Variants in DLGAP1 observed in about 807,000 individuals in gnomAD.
The protein encoded by DLGAP1 is DLG associated protein 1.
In DLGAP1, 11 loss-of-function variants were observed where a neutral mutation model predicts 90.8. That is an observed-to-expected ratio of 0.12 (90% confidence interval 0.08 to 0.20). The LOEUF (loss-of-function observed/expected upper bound fraction) is 0.20, where lower values mean the gene tolerates loss of function less well. Among genes scored for constraint, DLGAP1 ranks in the 10% least tolerant of loss-of-function variants. The pLI is 1.00. For synonymous variants in DLGAP1, 558 were observed against 540.7 expected (o/e 1.03, Z -0.44); for missense variants, 1,050 against 1,333.8 (o/e 0.79, Z 3.31).
chr18:3,969,907 TA>T, intron 3 of DLGAP1, among the ~76,000 whole-genome samples: 1 of 152,324 alleles, frequency 6.6e-6, no homozygotes, highest in East Asian at 1.9e-4. Flanking sequence ...ATACTTCTGA[TA>T]AAGGGCCTTC....
chr18:4,064,643 G>A (rs2075346702), intron 2 of DLGAP1, among the ~76,000 whole-genome samples: 1 of 151,882 alleles, frequency 6.6e-6, no homozygotes, highest in Admixed American at 6.6e-5. Flanking sequence ...GACTGAACCA[G>A]GAAGAAACCG....
chr18:4,138,311 C>T (rs9948748), intron 2 of DLGAP1, among the ~76,000 whole-genome samples: 16,319 of 124,628 alleles, frequency 0.13, 2,783 homozygotes, highest in African/African-American at 0.38. Context: ...GAAGGTTTTT[C>T]TTTTTTAATC....
chr18:3,675,278 T>C (rs1341476688), intron 7 of DLGAP1, among the ~76,000 whole-genome samples: 2 of 152,192 alleles, frequency 1.3e-5, no homozygotes, highest in African/African-American at 2.4e-5. Flanking sequence ...ACTATGTTGG[T>C]TGTCCAGAGT....
intron 11 of DLGAP1, among the ~76,000 whole-genome samples, chr18:3,503,828 G>A (rs1460637467): frequency 2.0e-5 from 3 of 152,220 alleles, no homozygotes; most frequent in Non-Finnish European, 4.4e-5. Flanking sequence ...GGGCGTGGTG[G>A]CTCATGCCTG....
chr18:3,670,152 G>A (rs561489556), intron 7 of DLGAP1, among the ~76,000 whole-genome samples: 3 of 152,284 alleles, frequency 2.0e-5, no homozygotes, highest in African/African-American at 7.2e-5. Flanking sequence ...TAAGACGATC[G>A]AAGTGAGATC....
chr18:3,965,601 C>T (rs2073308728), intron 3 of DLGAP1, among the ~76,000 whole-genome samples: 1 of 150,906 alleles, frequency 6.6e-6, no homozygotes, highest in Non-Finnish European at 1.5e-5. Flanking sequence ...AGTTCCTCCA[C>T]TCAACAAACA....
intron 3 of DLGAP1, among the ~76,000 whole-genome samples, chr18:3,957,020 A>G (rs1203046072): frequency 1.3e-5 from 2 of 152,202 alleles, no homozygotes; most frequent in Non-Finnish European, 2.9e-5. Context: ...TGGTCCCCCA[A>G]GACATTCATG....
At chr18:4,036,987 C>T (rs563837212) in intron 2 of DLGAP1, among the ~76,000 whole-genome samples, 2 of 152,270 alleles carry the variant, frequency 1.3e-5, no homozygotes, top group South Asian at 4.2e-4. Context: ...GAGTAGTGTG[C>T]AAATTGTAAA....
chr18:4,269,544 C>CA (rs1389238372), intron 1 of DLGAP1, among the ~76,000 whole-genome samples: 1 of 151,528 alleles, frequency 6.6e-6, no homozygotes, highest in Non-Finnish European at 1.5e-5. Flanking sequence ...TTAGTAGAGA[C>CA]GGGGTTTCAC....
At chr18:3,901,429 C>T (rs73940257) in intron 3 of DLGAP1, among the ~76,000 whole-genome samples, 5 of 152,058 alleles carry the variant, frequency 3.3e-5, no homozygotes, top group African/African-American at 7.2e-5. Context: ...CTTTACACCC[C>T]GTCCACTGCT....
intron 4 of DLGAP1, among the ~76,000 whole-genome samples, chr18:3,858,503 C>CAT (rs1242317684): frequency 1.8e-4 from 26 of 147,706 alleles, no homozygotes; most frequent in African/African-American, 6.3e-4. Context: ...TGTATATATA[C>CAT]ATATATATAC....
intron 2 of DLGAP1, among the ~76,000 whole-genome samples, chr18:4,081,238 C>A (rs1487362510): frequency 2.0e-5 from 3 of 150,748 alleles, no homozygotes; most frequent in Non-Finnish European, 4.4e-5. Flanking sequence ...TTGCTTGAAC[C>A]CAGGCGGCGG....
chr18:3,624,511 C>T (rs564013940), intron 7 of DLGAP1, among the ~76,000 whole-genome samples: 1 of 152,322 alleles, frequency 6.6e-6, no homozygotes, highest in African/African-American at 2.4e-5. Flanking sequence ...ACAGCCTGGC[C>T]CTGCTGGCAG....
chr18:3,556,202 C>T (rs1207052946), intron 9 of DLGAP1, among the ~76,000 whole-genome samples: 7 of 152,188 alleles, frequency 4.6e-5, no homozygotes, highest in African/African-American at 9.7e-5. Context: ...AACTCCCATA[C>T]ACCCCTTCCC....
chr18:4,178,205 AC>A (rs2077147000), intron 1 of DLGAP1, among the ~76,000 whole-genome samples: 3 of 26,898 alleles, frequency 1.1e-4, no homozygotes, highest in African/African-American at 4.8e-4. Context: ...TGGAATAAAC[AC>A]ACACACACAC....
chr18:3,875,245 T>C (rs1163009767), intron 4 of DLGAP1, among the ~76,000 whole-genome samples: 2 of 152,146 alleles, frequency 1.3e-5, no homozygotes, highest in African/African-American at 4.8e-5. Flanking sequence ...AAATAAAAAA[T>C]ACGCACTCAT....
chr18:3,945,942 A>G (rs1449565171), intron 3 of DLGAP1, among the ~76,000 whole-genome samples: 1 of 152,226 alleles, frequency 6.6e-6, no homozygotes, highest in East Asian at 1.9e-4. Context: ...AAATTATTAG[A>G]TAAGCCAAGA....
intron 4 of DLGAP1, among the ~76,000 whole-genome samples, chr18:3,846,862 A>G (rs540624948): frequency 3.1e-4 from 47 of 152,282 alleles, no homozygotes; most frequent in Admixed American, 5.2e-4. Context: ...AAATATTTTT[A>G]TCTTAGATCT....
intron 1 of DLGAP1, among the ~76,000 whole-genome samples, chr18:4,424,593 C>T (rs1176772663): frequency 6.6e-6 from 1 of 152,054 alleles, no homozygotes; most frequent in Non-Finnish European, 1.5e-5. Flanking sequence ...TCTTAAAATT[C>T]GTTTTTCTTT....
Sources: gnomAD v4.1 joint callset for allele counts (sites outside exome capture counted in the v4.1 genomes callset) on GRCh38, gnomAD v4.1.1 for gene constraint, MANE v1.5 for transcripts, NCBI Gene and HGNC (gene_info 2026-07-23, HGNC 2026-07-21) for gene names.